Variants in USP53 observed in about 807,000 individuals in gnomAD.
USP53 encodes ubiquitin specific peptidase 53, also known as ubiquitin carboxyl-terminal hydrolase 53.
A neutral mutation model predicts 94.9 loss-of-function variants in USP53; 71 were observed. The observed-to-expected ratio is 0.75, with a 90% CI of 0.62 to 0.91. USP53 has a LOEUF of 0.91. USP53 is among the 40% of genes least tolerant of loss of function. The pLI is 0.00. For synonymous variants in USP53, 375 were observed against 422.7 expected (o/e 0.89, Z 1.39); for missense variants, 1,173 against 1,281.0 (o/e 0.92, Z 1.29).
intron 2 of USP53, among the ~76,000 whole-genome samples, chr4:119,214,466 A>T (rs554832540): frequency 4.8e-4 from 73 of 152,250 alleles, no homozygotes; most frequent in African/African-American, 1.6e-3. Flanking sequence ...AAATATTTTT[A>T]AAAATGTATG....
At chr4:119,225,663 G>T (rs370869556) in intron 3 of USP53, among the ~76,000 whole-genome samples, 1 of 151,904 alleles carries the variant, frequency 6.6e-6, no homozygotes, top group East Asian at 1.9e-4. Context: ...GGAGAATGGC[G>T]TGAACCCGGG....
intron 7 of USP53, among the ~76,000 whole-genome samples, chr4:119,251,664 C>G (rs1037487844): frequency 6.6e-6 from 1 of 152,102 alleles, no homozygotes; most frequent in African/African-American, 2.4e-5. Context: ...TTTTGAATAC[C>G]CTTCATCACT....
At chr4:119,231,300 A>T (rs978924329) in intron 3 of USP53, among the ~76,000 whole-genome samples, 7 of 152,152 alleles carry the variant, frequency 4.6e-5, no homozygotes, top group African/African-American at 1.7e-4. Context: ...TACTGGTAGA[A>T]CCTAATATAT....
intron 6 of USP53, among the ~76,000 whole-genome samples, chr4:119,245,718 C>A (rs180790445): frequency 2.6e-5 from 4 of 152,240 alleles, no homozygotes; most frequent in Non-Finnish European, 5.9e-5. Context: ...TTTGGAGCTA[C>A]TACTGAGTTC....
intron 17 of USP53, among the ~76,000 whole-genome samples, chr4:119,279,858 G>A (rs955617937): frequency 2.2e-4 from 34 of 152,180 alleles, no homozygotes; most frequent in African/African-American, 7.7e-4. Context: ...GGAGTGACCC[G>A]ATTTTCCAGG....
At chr4:119,236,592 T>C (rs1428983409) in intron 4 of USP53, among the ~76,000 whole-genome samples, 5 of 152,240 alleles carry the variant, frequency 3.3e-5, no homozygotes. Context: ...TTCAACAATG[T>C]GCACAGCATC....
intron 17 of USP53, among the ~76,000 whole-genome samples, chr4:119,284,292 G>GA (rs879768224): frequency 0.017 from 2,338 of 141,156 alleles, 57 homozygotes; most frequent in African/African-American, 0.053. Flanking sequence ...AAATGGTCCA[G>GA]AAAAAAAAAA....
chr4:119,293,558 A>G lies in USP53; in HGVS notation c.*347A>G, dbSNP rs1381975356. 3 of 179,122 alleles carry G rather than the reference A, an allele frequency of 1.7e-5. No homozygotes were observed. The highest frequency in any genetic ancestry group is 2.3e-5 in the Non-Finnish European group (2 of 85,916). 11.1% of individuals were successfully genotyped at this position (179,122 alleles called of 1,614,324 possible). A position where few individuals can be genotyped will look rare whatever the true frequency, so the allele number is the denominator to read the frequency against. ...GAAAATCAGGGAGATATAATAATTC[A>G]TTTGTCATATGCTACAGTTGAATAA... is the stretch of plus-strand genomic sequence containing the variant. On this transcript the variant is annotated 3_prime_UTR_variant, in exon 19 of 19. Coordinates refer to ENST00000692078, the MANE Select transcript of USP53 (RefSeq NM_001371395.1).
chr4:119,267,884 T>G (rs1306756021), intron 13 of USP53, among the ~76,000 whole-genome samples: 1 of 152,200 alleles, frequency 6.6e-6, no homozygotes, highest in Admixed American at 6.5e-5. Flanking sequence ...AAAAATAATC[T>G]GGGCCGGGCG....
At chr4:119,255,457 G>A (rs566598258) in intron 7 of USP53, among the ~76,000 whole-genome samples, 2 of 152,308 alleles carry the variant, frequency 1.3e-5, no homozygotes, top group South Asian at 2.1e-4. Flanking sequence ...AGCAAGGGCA[G>A]ACACCCCTCC....
intron 17 of USP53, among the ~76,000 whole-genome samples, chr4:119,277,989 T>C (rs1752886403): frequency 7.1e-6 from 1 of 140,692 alleles, no homozygotes; most frequent in Admixed American, 7.3e-5. Flanking sequence ...TGAGCCTATG[T>C]GTGTCTCTGC....
chr4:119,238,135 T>A (rs915852798), intron 4 of USP53, among the ~76,000 whole-genome samples: 1 of 152,236 alleles, frequency 6.6e-6, no homozygotes, highest in African/African-American at 2.4e-5. Context: ...GAGCTTTCCC[T>A]TTGCATTCAC....
rs373719643 is a variant in USP53, at chr4:119,256,512, A to G, written c.558A>G (p.Thr186=). 8.2e-5 allele frequency: 132 copies of G among 1,614,034 alleles called. No homozygotes were observed. The highest frequency in any genetic ancestry group is 1.1e-4 in the Non-Finnish European group (127 of 1,180,004). The change falls in exon 9 of 19, where the codon ACA becomes ACG. Residue 186 remains threonine, a synonymous_variant. Coordinates refer to ENST00000692078, the MANE Select transcript of USP53 (RefSeq NM_001371395.1). The part of the protein sequence containing the change: ...PFTEFVRYIS[T]TALCNEVERM... The stretch of plus-strand genomic sequence containing the variant: ...CAGAATTTGTGCGGTACATTTCTAC[A>G]ACAGCCTTATGGTAAGAACCTATTA...
At chr4:119,214,463 T>C (rs1743430809) in intron 2 of USP53, among the ~76,000 whole-genome samples, 1 of 152,132 alleles carries the variant, frequency 6.6e-6, no homozygotes, top group African/African-American at 2.4e-5. Context: ...AACAAATATT[T>C]TTAAAAATGT....
At chr4:119,285,136 T>C (rs1468712636) in intron 17 of USP53, among the ~76,000 whole-genome samples, 1 of 151,764 alleles carries the variant, frequency 6.6e-6, no homozygotes, top group Non-Finnish European at 1.5e-5. Context: ...TAAGACCCTT[T>C]AGGCAGAGTG....
intron 7 of USP53, among the ~76,000 whole-genome samples, chr4:119,255,063 C>T (rs1405109609): frequency 6.6e-6 from 1 of 152,180 alleles, no homozygotes; most frequent in Non-Finnish European, 1.5e-5. Flanking sequence ...GGCTGCACAA[C>T]AGCAAATATT....
Position 119,268,336 on chromosome 4 carries a change from CAG to C in USP53, c.1210_1211del (p.Glu404LysfsTer7). The C allele has an allele frequency of 6.2e-7, 1 of 1,613,846 alleles. No homozygotes were observed. Among genetic ancestry groups the C allele is most frequent in the Non-Finnish European group, 8.5e-7 (1 of 1,179,876 alleles). On this transcript the variant is annotated frameshift_variant, in exon 14 of 19. Coordinates refer to ENST00000692078, the MANE Select transcript of USP53 (RefSeq NM_001371395.1). LOFTEE classifies it high-confidence loss of function. ...KENGFGDQAKQRENQKFPTDN... is the reference protein window; with the variant it reads ...KENGFGDQAKXRENQKFPTDN... ...AAATGGATTTGGTGATCAGGCAAAGCAGAGAGAAAATCAGAAATTTCCAACTG... is the reference window on the plus strand; with the variant it reads ...AAATGGATTTGGTGATCAGGCAAAGCAGAGAAAATCAGAAATTTCCAACTG...
intron 17 of USP53, among the ~76,000 whole-genome samples, chr4:119,279,815 T>C (rs1401917197): frequency 6.6e-6 from 1 of 152,230 alleles, no homozygotes; most frequent in Non-Finnish European, 1.5e-5. Flanking sequence ...TCGCCGCTTT[T>C]TAAGCCGGTC....
rs535375372 is a variant in USP53, at chr4:119,248,576, C to T, written c.238-172C>T. 3.9e-5 allele frequency among the ~76,000 whole-genome samples: 6 copies of T among 152,260 alleles called. No individual in the cohort carries two copies. In the South Asian group the frequency reaches 1.2e-3, roughly 32 times the overall value. On this transcript the variant is annotated intron_variant, in intron 6 of 18. Transcript: ENST00000692078. ...CATTTGATTTAGAGGCTGGTGCAAACATTTCTACACTTGATGATACAAATA... is the reference window on the plus strand; with the variant it reads ...CATTTGATTTAGAGGCTGGTGCAAATATTTCTACACTTGATGATACAAATA...
Sources: allele counts gnomAD v4.1 joint callset (sites outside exome capture counted in the v4.1 genomes callset), GRCh38; gene constraint gnomAD v4.1.1; transcripts MANE v1.5; gene names NCBI Gene and HGNC (gene_info 2026-07-23, HGNC 2026-07-21).